CNTN5: variants seen among roughly 807,000 people sequenced by gnomAD.
CNTN5 encodes the protein contactin-5.
A neutral mutation model predicts 129.1 loss-of-function variants in CNTN5; 77 were observed. The observed-to-expected ratio is 0.60, with a 90% confidence interval of 0.50 to 0.72. The LOEUF is 0.72. Ranked by LOEUF, CNTN5 falls within the 30% of genes least tolerant of loss-of-function variation. The pLI is 0.00. For missense variants in CNTN5, 1,478 were observed against 1,328.8 expected, an observed-to-expected ratio of 1.11 and a Z score of -1.75; for synonymous variants, 509 against 465.6, an observed-to-expected ratio of 1.09 and a Z score of -1.20.
intron 17 of CNTN5, among the ~76,000 whole-genome samples, chr11:100,261,232 A>C (rs1160862424): frequency 6.6e-6 from 1 of 152,154 alleles, no homozygotes; most frequent in Non-Finnish European, 1.5e-5. Context: ...TAGGAATAGA[A>C]CTTACAAGGG....
At chr11:100,025,560 C>T (rs1003252591) in intron 9 of CNTN5, among the ~76,000 whole-genome samples, 1 of 152,206 alleles carries the variant, frequency 6.6e-6, no homozygotes, top group Admixed American at 6.5e-5. Flanking sequence ...CCTGGAAAAG[C>T]TGCAGACACT....
Position 99,800,172 on chromosome 11 carries a change from C to G in CNTN5, c.56-19372C>G, listed in dbSNP as rs77752835. ...TTTTGGTATGTTGTGTCAGTGTTTT[C>G]ATTTATTTCATAGAAGTTTTATATT... is the stretch of plus-strand genomic sequence containing the variant. On this transcript the variant is annotated intron_variant, in intron 3 of 24. Transcript: ENST00000524871. Among the ~76,000 whole-genome samples, 1,703 of 152,010 alleles carry G rather than the reference C, an allele frequency of 0.011. 76 individuals carry two copies. The East Asian group carries it at 0.13, about 12-fold the overall frequency.
At chr11:99,029,122 A>C (rs1317636680) in intron 1 of CNTN5, among the ~76,000 whole-genome samples, 2 of 151,860 alleles carry the variant, frequency 1.3e-5, no homozygotes, top group African/African-American at 2.4e-5. Flanking sequence ...TCAATGGTAA[A>C]AAAATTATAG....
rs1952527056 is a variant in CNTN5, at chr11:100,356,407, T to C, written c.*187T>C. 1 of 593,702 alleles carries C rather than the reference T, an allele frequency of 1.7e-6. No individual in the cohort carries two copies. The highest frequency in any genetic ancestry group is 2.1e-5 in the South Asian group (1 of 48,284). 36.8% of individuals were successfully genotyped at this position (593,702 alleles called of 1,614,324 possible). ...ATCCATCAGGTTTCTCTTTGGTTTT[T>C]GTAAACGGAGAGGACAGTTCTTAGT... is the stretch of plus-strand genomic sequence containing the variant. On this transcript the variant is annotated 3_prime_UTR_variant, in exon 25 of 25. Transcript: ENST00000524871.
chr11:99,328,620 C>A (rs1249238130), intron 2 of CNTN5, among the ~76,000 whole-genome samples: 1 of 151,858 alleles, frequency 6.6e-6, no homozygotes, highest in Non-Finnish European at 1.5e-5. Context: ...CCTGTAATCC[C>A]AGCCCTTTGG....
chr11:99,574,062 C>A (rs1370131435), intron 3 of CNTN5, among the ~76,000 whole-genome samples: 12 of 152,230 alleles, frequency 7.9e-5, no homozygotes, highest in Admixed American at 2.6e-4. Flanking sequence ...CTATACCCCC[C>A]ACTCCCCGAC....
At chr11:100,237,603 C>T (rs1376393164) in intron 16 of CNTN5, among the ~76,000 whole-genome samples, 3 of 151,854 alleles carry the variant, frequency 2.0e-5, no homozygotes, top group Admixed American at 1.3e-4. Flanking sequence ...ATTACAAAGA[C>T]GATTAGCTCT....
At chr11:99,595,003 A>G (rs1198051341) in intron 3 of CNTN5, among the ~76,000 whole-genome samples, 1 of 152,180 alleles carries the variant, frequency 6.6e-6, no homozygotes, top group African/African-American at 2.4e-5. Flanking sequence ...TGTAGAATCA[A>G]TTAGTTGATT....
intron 2 of CNTN5, among the ~76,000 whole-genome samples, chr11:99,511,178 T>C (rs995780123): frequency 2.0e-5 from 3 of 152,152 alleles, no homozygotes; most frequent in African/African-American, 7.2e-5. Context: ...TTGTGAGCAT[T>C]TAGTGCTATA....
At chr11:100,015,887 GAATTAT>G (rs1250156215) in intron 9 of CNTN5, among the ~76,000 whole-genome samples, 1 of 151,760 alleles carries the variant, frequency 6.6e-6, no homozygotes, top group East Asian at 1.9e-4. Context: ...TTCTAATCTA[GAATTAT>G]AATTATATGA....
At chr11:99,921,158 C>T (rs1164393508) in intron 7 of CNTN5, among the ~76,000 whole-genome samples, 1 of 152,172 alleles carries the variant, frequency 6.6e-6, no homozygotes, top group East Asian at 1.9e-4. Context: ...GTCTGTGGCA[C>T]GTTGTTATGG....
chr11:99,511,713 G>A (rs1946842760), intron 2 of CNTN5, among the ~76,000 whole-genome samples: 1 of 152,016 alleles, frequency 6.6e-6, no homozygotes, highest in South Asian at 2.1e-4. Flanking sequence ...CTTGCTTTAT[G>A]AATCTGGGTA....
At chr11:99,444,982 T>C (rs1260966047) in intron 2 of CNTN5, among the ~76,000 whole-genome samples, 1 of 150,394 alleles carries the variant, frequency 6.6e-6, no homozygotes, top group African/African-American at 2.4e-5. Context: ...ATTTGCTTTA[T>C]AGTTTGTGGT....
At chr11:100,079,143 T>C (rs1944262258) in intron 13 of CNTN5, among the ~76,000 whole-genome samples, 1 of 152,118 alleles carries the variant, frequency 6.6e-6, no homozygotes, top group Non-Finnish European at 1.5e-5. Context: ...TACCTCTACC[T>C]GATCTCTCCC....
intron 1 of CNTN5, among the ~76,000 whole-genome samples, chr11:99,205,486 A>G (rs1228803495): frequency 8.5e-5 from 13 of 152,154 alleles, no homozygotes; most frequent in Non-Finnish European, 7.4e-5. Context: ...CTTCTGTTTT[A>G]CTGGATCACC....
At chr11:100,124,449 GGTAAACAGCATGCAA>G (rs1243902242) in intron 13 of CNTN5, among the ~76,000 whole-genome samples, 31 of 151,974 alleles carry the variant, frequency 2.0e-4, no homozygotes, top group African/African-American at 7.5e-4. Flanking sequence ...AACAGAGAAA[GGTAAACAGCATGCAA>G]GGAAAAAGCT....
intron 1 of CNTN5, among the ~76,000 whole-genome samples, chr11:99,135,836 T>C (rs1859193771): frequency 6.6e-6 from 1 of 152,204 alleles, no homozygotes; most frequent in Non-Finnish European, 1.5e-5. Context: ...TACCAATTAT[T>C]ATTTATTTGC....
intron 8 of CNTN5, among the ~76,000 whole-genome samples, chr11:99,986,745 T>G (rs1294130955): frequency 2.0e-5 from 3 of 152,224 alleles, no homozygotes; most frequent in Admixed American, 1.3e-4. Flanking sequence ...ATTTTATGTT[T>G]TCTTATACCT....
chr11:99,919,846 T>A (rs1311090193), intron 7 of CNTN5, among the ~76,000 whole-genome samples: 1 of 134,296 alleles, frequency 7.4e-6, no homozygotes, highest in African/African-American at 3.0e-5. Context: ...ATTTAAGACA[T>A]GTTTTTGCCA....
Sources: gnomAD v4.1 joint callset for allele counts (sites outside exome capture counted in the v4.1 genomes callset) on GRCh38, gnomAD v4.1.1 for gene constraint, MANE v1.5 for transcripts, NCBI Gene and HGNC (gene_info 2026-07-23, HGNC 2026-07-21) for gene names.